Variants in SND1 observed in about 807,000 individuals in gnomAD.
The protein encoded by SND1 is staphylococcal nuclease domain-containing protein 1.
In SND1, 38 loss-of-function variants were observed where a neutral mutation model predicts 121.7. The observed-to-expected ratio is 0.31, with a 90% confidence interval of 0.24 to 0.41. The LOEUF is 0.41. Among genes scored for constraint, SND1 ranks in the 10% least tolerant of loss-of-function variants. The probability of loss-of-function intolerance (pLI) is 1.00; values close to 1 mark genes in which losing one functional copy is unlikely to be tolerated. For missense variants in SND1, 868 were observed against 1,184.6 expected (o/e 0.73, Z 3.92); for synonymous variants, 401 against 447.4 (o/e 0.90, Z 1.31).
At chr7:127,850,781 T>C (rs1340062486) in intron 12 of SND1, among the ~76,000 whole-genome samples, 1 of 152,204 alleles carries the variant, frequency 6.6e-6, no homozygotes, top group Non-Finnish European at 1.5e-5. Context: ...GTAGTAGAAG[T>C]GTGCCTATCC....
intron 10 of SND1, among the ~76,000 whole-genome samples, chr7:127,788,168 C>T (rs531353622): frequency 6.6e-6 from 1 of 152,148 alleles, no homozygotes. Context: ...TCTAGTCAAC[C>T]CTTTCTCTCT....
At chr7:128,030,711 C>CT in intron 16 of SND1, 1 of 1,496,386 alleles carries the variant, frequency 6.7e-7, no homozygotes, top group Non-Finnish European at 9.0e-7. Flanking sequence ...CCTACCCCGG[C>CT]TTAAGTGAGC....
chr7:127,957,270 C>T (rs1430870160), intron 15 of SND1, among the ~76,000 whole-genome samples: 1 of 152,320 alleles, frequency 6.6e-6, no homozygotes, highest in East Asian at 1.9e-4. Flanking sequence ...ACTAGGAAAG[C>T]AGCCCGGTTG....
intron 1 of SND1, among the ~76,000 whole-genome samples, chr7:127,676,197 T>G (rs1214074006): frequency 1.3e-5 from 2 of 152,330 alleles, no homozygotes; most frequent in Non-Finnish European, 2.9e-5. Context: ...TTTTCTCATC[T>G]GCAAAATGAG....
chr7:127,722,024 A>AT lies in SND1; in HGVS notation c.1152+633dup, dbSNP rs112537277. Among the ~76,000 whole-genome samples, 1,138 of 151,626 alleles carry AT rather than the reference A, an allele frequency of 7.5e-3. 10 individuals are homozygous for AT. The highest frequency in any genetic ancestry group is 0.024 in the African/African-American group (1,006 of 41,354). On this transcript the variant is annotated intron_variant, in intron 10 of 23. Coordinates refer to ENST00000354725, the MANE Select transcript of SND1 (RefSeq NM_014390.4). ...TGGTATTACATGTGCAGATAGACTGATTTTTTTTTGTAGTCATGACAGTTA... is the reference window on the plus strand; with the variant it reads ...TGGTATTACATGTGCAGATAGACTGATTTTTTTTTTGTAGTCATGACAGTTA...
At chr7:127,923,163 A>G (rs1228098373) in intron 14 of SND1, among the ~76,000 whole-genome samples, 2 of 152,144 alleles carry the variant, frequency 1.3e-5, no homozygotes, top group Admixed American at 1.3e-4. Context: ...TAATTTTTAA[A>G]TTTTTTGTAG....
chr7:127,686,636 T>A lies in SND1; in HGVS notation c.102T>A (p.Ile34=), dbSNP rs907718518. 1 of 1,614,124 alleles carries A rather than the reference T, an allele frequency of 6.2e-7. No homozygotes were observed. The highest frequency in any genetic ancestry group is 1.3e-5 in the African/African-American group (1 of 75,054). ...AGGTCCTCTCAGGGTGCGCCATCAT[T>A]GTCCGAGGTCAGCCTCGTGGTGGGC... is the stretch of plus-strand genomic sequence containing the variant. ...IKMVLSGCAI[I]VRGQPRGGPP... Residue 34 remains isoleucine, a synonymous_variant, in exon 2 of 24, where the codon ATT becomes ATA. Coordinates refer to ENST00000354725, the MANE Select transcript of SND1 (RefSeq NM_014390.4).
At position 127,652,295 on chromosome 7, in the gene SND1, C is replaced by T; in HGVS notation, c.-79C>T. The T allele has an allele frequency of 8.0e-7, 1 of 1,252,940 alleles. No individual in the cohort carries two copies. The highest frequency in any genetic ancestry group is 1.1e-6 in the Non-Finnish European group (1 of 874,018). The allele number at this position is 1,252,940 out of a possible 1,614,324, so 77.6% of individuals were successfully genotyped here. On this transcript the variant is annotated 5_prime_UTR_variant, in exon 1 of 24. Coordinates refer to ENST00000354725, the MANE Select transcript of SND1 (RefSeq NM_014390.4). ...GCCAGCCTGCCCCTCGCCTCGACTC[C>T]CTTTCACCAACACCGACACCCACAT...
At chr7:127,796,861 A>G (rs1798037240) in intron 10 of SND1, among the ~76,000 whole-genome samples, 1 of 149,772 alleles carries the variant, frequency 6.7e-6, no homozygotes, top group Admixed American at 6.7e-5. Context: ...AGTCATAAGT[A>G]AGTCCAGATA....
chr7:127,939,241 G>A (rs114500879), intron 15 of SND1, among the ~76,000 whole-genome samples: 4 of 152,158 alleles, frequency 2.6e-5, no homozygotes, highest in Non-Finnish European at 4.4e-5. Flanking sequence ...TTTTAGGAAG[G>A]ACATCAGGAA....
intron 11 of SND1, among the ~76,000 whole-genome samples, chr7:127,818,736 A>G (rs969371098): frequency 1.3e-5 from 2 of 152,210 alleles, no homozygotes; most frequent in Admixed American, 6.5e-5. Context: ...GAAACAGCAG[A>G]GTTTCCTCCA....
At chr7:127,921,539 T>G (rs1215330683) in intron 14 of SND1, among the ~76,000 whole-genome samples, 1 of 152,234 alleles carries the variant, frequency 6.6e-6, no homozygotes. Context: ...ATATTCTTCC[T>G]GTGCACGTTG....
intron 10 of SND1, among the ~76,000 whole-genome samples, chr7:127,732,283 C>T (rs1368794598): frequency 6.6e-6 from 1 of 152,228 alleles, no homozygotes; most frequent in Non-Finnish European, 1.5e-5. Context: ...TTCCCCATGC[C>T]ACACTGTGGT....
intron 15 of SND1, among the ~76,000 whole-genome samples, chr7:127,947,014 G>A (rs1410987392): frequency 2.6e-5 from 4 of 152,022 alleles, no homozygotes; most frequent in South Asian, 2.1e-4. Flanking sequence ...AAGTTCAAGG[G>A]GTCACCATTC....
chr7:127,838,758 A>G (rs1393060543), intron 11 of SND1, among the ~76,000 whole-genome samples: 1 of 152,200 alleles, frequency 6.6e-6, no homozygotes, highest in East Asian at 1.9e-4. Flanking sequence ...GATGATTTCC[A>G]AAGTCTAATG....
At chr7:127,884,357 C>T (rs1286860452) in intron 12 of SND1, among the ~76,000 whole-genome samples, 1 of 152,122 alleles carries the variant, frequency 6.6e-6, no homozygotes, top group African/African-American at 2.4e-5. Flanking sequence ...TGAAAATGTG[C>T]CTCCTGGATC....
At chr7:127,970,106 T>TA (rs1801949531) in intron 15 of SND1, among the ~76,000 whole-genome samples, 1 of 152,248 alleles carries the variant, frequency 6.6e-6, no homozygotes, top group South Asian at 2.1e-4. Context: ...TAATTGTATG[T>TA]GAACCTAGTT....
At chr7:127,903,895 A>G (rs1800282461) in intron 13 of SND1, among the ~76,000 whole-genome samples, 1 of 152,232 alleles carries the variant, frequency 6.6e-6, no homozygotes, top group African/African-American at 2.4e-5. Flanking sequence ...ATTTGTGGGA[A>G]CATCCCCTAA....
At chr7:127,897,090 CTTG>C (rs1265189879) in intron 13 of SND1, among the ~76,000 whole-genome samples, 1 of 152,102 alleles carries the variant, frequency 6.6e-6, no homozygotes, top group African/African-American at 2.4e-5. Context: ...ATCTAAATTT[CTTG>C]TAAACTTCCT....
Sources: allele counts gnomAD v4.1 joint callset (sites outside exome capture counted in the v4.1 genomes callset), GRCh38; gene constraint gnomAD v4.1.1; transcripts MANE v1.5; gene names NCBI Gene and HGNC (gene_info 2026-07-23, HGNC 2026-07-21).